NRXN1: variants seen among roughly 807,000 people sequenced by gnomAD.
NRXN1 encodes the protein neurexin-1.
NRXN1 carries 39 observed loss-of-function variants against 150.9 expected under a neutral mutation model. The observed-to-expected ratio is 0.26, with a 90% CI of 0.20 to 0.34. The LOEUF (loss-of-function observed/expected upper bound fraction) is 0.34, where lower values mean the gene tolerates loss of function less well. Ranked by LOEUF, NRXN1 falls within the 10% of genes least tolerant of loss-of-function variation. NRXN1 has a pLI of 1.00. For missense variants in NRXN1, 1,815 were observed against 1,949.9 expected (o/e 0.93, Z 1.30); for synonymous variants, 924 against 757.0 (o/e 1.22, Z -3.62).
intron 18 of NRXN1, among the ~76,000 whole-genome samples, chr2:50,200,720 T>C (rs548516786): frequency 2.0e-5 from 3 of 152,284 alleles, no homozygotes; most frequent in African/African-American, 7.2e-5. Flanking sequence ...ATAACCCAGA[T>C]ACAATGAATG....
chr2:50,252,253 C>CTTTTTTTTTTTTTTTTTTTTT (rs2067187876), intron 17 of NRXN1, among the ~76,000 whole-genome samples: 5 of 58,860 alleles, frequency 8.5e-5, no homozygotes, highest in African/African-American at 1.4e-4. Flanking sequence ...TTTCTTTTTT[C>CTTTTTTTTTTTTTTTTTTTTT]TTTTCTTTTT....
intron 17 of NRXN1, among the ~76,000 whole-genome samples, chr2:50,371,686 GC>G (rs2080039412): frequency 6.6e-6 from 1 of 151,860 alleles, no homozygotes; most frequent in Non-Finnish European, 1.5e-5. Context: ...TTTCATCTGT[GC>G]ATTTTTATGG....
intron 21 of NRXN1, among the ~76,000 whole-genome samples, chr2:49,992,488 G>A (rs575575896): frequency 6.6e-6 from 1 of 152,202 alleles, no homozygotes; most frequent in Non-Finnish European, 1.5e-5. Flanking sequence ...GCTGAGGCAG[G>A]GAAATTGCTT....
intron 17 of NRXN1, among the ~76,000 whole-genome samples, chr2:50,441,698 A>C (rs921291514): frequency 6.6e-6 from 1 of 152,300 alleles, no homozygotes; most frequent in Non-Finnish European, 1.5e-5. Flanking sequence ...TGTAGTCATA[A>C]ATGGAAGGAA....
At chr2:49,985,310 T>C (rs1343441679) in intron 21 of NRXN1, among the ~76,000 whole-genome samples, 3 of 152,188 alleles carry the variant, frequency 2.0e-5, no homozygotes, top group Non-Finnish European at 4.4e-5. Flanking sequence ...ATTCAATAAA[T>C]TTTATTTTTG....
intron 17 of NRXN1, among the ~76,000 whole-genome samples, chr2:50,254,320 T>A (rs1407623636): frequency 6.6e-6 from 1 of 151,864 alleles, no homozygotes; most frequent in Non-Finnish European, 1.5e-5. Flanking sequence ...TTTATTAGTC[T>A]AGCTATCAGT....
At chr2:50,797,550 T>G (rs1347556468) in intron 5 of NRXN1, among the ~76,000 whole-genome samples, 1 of 152,256 alleles carries the variant, frequency 6.6e-6, no homozygotes, top group Admixed American at 6.5e-5. Context: ...AGCTAGATCA[T>G]GGGTAGACTT....
chr2:50,697,187 T>C (rs908725883), intron 5 of NRXN1, among the ~76,000 whole-genome samples: 6 of 152,210 alleles, frequency 3.9e-5, no homozygotes, highest in Non-Finnish European at 8.8e-5. Context: ...TTTGCACACG[T>C]AATTCTGAGT....
intron 5 of NRXN1, among the ~76,000 whole-genome samples, chr2:50,820,627 G>T (rs4140858): frequency 0.089 from 13,523 of 152,032 alleles, 711 homozygotes; most frequent in Admixed American, 0.093. Flanking sequence ...TTTCATCCTC[G>T]CTCTACCCTC....
intron 17 of NRXN1, among the ~76,000 whole-genome samples, chr2:50,398,528 C>T (rs1216748519): frequency 6.6e-6 from 1 of 152,048 alleles, no homozygotes; most frequent in Non-Finnish European, 1.5e-5. Context: ...GTAGGATACA[C>T]ATGAGACCTC....
chr2:50,376,281 A>G (rs779898581), intron 17 of NRXN1, among the ~76,000 whole-genome samples: 21 of 152,034 alleles, frequency 1.4e-4, no homozygotes, highest in Non-Finnish European at 2.8e-4. Context: ...TGAAAACATA[A>G]AACAGTGATT....
chr2:50,478,563 T>C (rs1413669900), intron 15 of NRXN1, among the ~76,000 whole-genome samples: 1 of 151,452 alleles, frequency 6.6e-6, no homozygotes, highest in Non-Finnish European at 1.5e-5. Flanking sequence ...TGATTTATTG[T>C]TTTTTAACTT....
chr2:50,673,915 A>T (rs1689192470), intron 5 of NRXN1, among the ~76,000 whole-genome samples: 2 of 152,034 alleles, frequency 1.3e-5, no homozygotes, highest in South Asian at 4.1e-4. Context: ...GCTGGAAACC[A>T]TCATTCTCAT....
intron 19 of NRXN1, among the ~76,000 whole-genome samples, chr2:50,070,769 C>CAAAA (rs546500232): frequency 4.5e-4 from 42 of 93,978 alleles, no homozygotes; most frequent in South Asian, 1.3e-3. Flanking sequence ...GACTCCGTCT[C>CAAAA]AAAAAAAAAA....
intron 18 of NRXN1, among the ~76,000 whole-genome samples, chr2:50,151,774 G>C (rs1299534092): frequency 2.0e-5 from 3 of 151,632 alleles, no homozygotes; most frequent in Non-Finnish European, 2.9e-5. Flanking sequence ...TACTTAGTAA[G>C]TTTACTAAAA....
At chr2:50,496,881 C>T (rs768236316) in intron 14 of NRXN1, among the ~76,000 whole-genome samples, 14 of 152,150 alleles carry the variant, frequency 9.2e-5, no homozygotes, top group South Asian at 2.1e-4. Flanking sequence ...ACAAATCTTC[C>T]TTTCTAAATT....
rs200358905 is a variant in NRXN1, at chr2:50,496,024, T to C, written c.2951A>G (p.Asn984Ser). Reference sequence around the variant, plus strand: ...CATCACGTTGTGCCACTGATTGTCATTGAGAGGTTTATTTGAGCTTCCTTT... The same window carrying C: ...CATCACGTTGTGCCACTGATTGTCACTGAGAGGTTTATTTGAGCTTCCTTT... Reference protein sequence around the residue: ...LIKGSSNKPLNDNQWHNVMIS... With the variant: ...LIKGSSNKPLSDNQWHNVMIS... The change falls in exon 15 of 23, where the codon AAT becomes AGT. Residue 984 changes from asparagine to serine, a missense_variant. Asn to Ser is a conservative substitution (Grantham distance 46, BLOSUM62 1). This residue lies in a region of NRXN1 where 339 missense variants were observed against 440.3 expected (regional missense o/e 0.77). Coordinates refer to ENST00000401669, the MANE Select transcript of NRXN1 (RefSeq NM_001330078.2). The C allele has an allele frequency of 2.5e-6, 4 of 1,613,470 alleles. No homozygotes were observed. Among genetic ancestry groups the C allele is most frequent in the Non-Finnish European group, 2.5e-6 (3 of 1,179,644 alleles).
chr2:50,271,803 C>T (rs968507344), intron 17 of NRXN1, among the ~76,000 whole-genome samples: 4 of 152,010 alleles, frequency 2.6e-5, no homozygotes, highest in Admixed American at 1.3e-4. Context: ...ATGGTACTTT[C>T]CTTTTCCTTC....
chr2:50,469,775 G>A (rs1267059976), intron 16 of NRXN1, among the ~76,000 whole-genome samples: 4 of 150,502 alleles, frequency 2.7e-5, no homozygotes, highest in East Asian at 1.9e-4. Context: ...GGGTGTCAGG[G>A]TGTGAAAATT....
Sources: gnomAD v4.1 joint callset for allele counts (sites outside exome capture counted in the v4.1 genomes callset) on GRCh38, gnomAD v4.1.1 for gene constraint, gnomAD v4.1.1 regional missense constraint, MANE v1.5 for transcripts, NCBI Gene and HGNC (gene_info 2026-07-23, HGNC 2026-07-21) for gene names.